VPS13B: variants seen among roughly 807,000 people sequenced by gnomAD.
VPS13B encodes vacuolar protein sorting 13 homolog B, also known as intermembrane lipid transfer protein VPS13B.
In VPS13B, 285 loss-of-function variants were observed where a neutral mutation model predicts 426.4. The ratio of observed to expected loss-of-function variants is 0.67; its 90% CI spans 0.61 to 0.74. VPS13B has a LOEUF of 0.74. Ranked by LOEUF, VPS13B falls within the 30% of genes least tolerant of loss-of-function variation. The pLI, the probability that VPS13B is intolerant of heterozygous loss-of-function variation, is 0.00. For synonymous variants in VPS13B, 1,676 were observed against 1,676.4 expected (o/e 1.00, Z 0.01); for missense variants, 4,537 against 4,782.6 (o/e 0.95, Z 1.51).
chr8:99,773,572 A>G (rs1256186641), intron 40 of VPS13B, among the ~76,000 whole-genome samples: 2 of 152,198 alleles, frequency 1.3e-5, no homozygotes, highest in Non-Finnish European at 2.9e-5. Flanking sequence ...AAATGAAGGT[A>G]TAAATAAAAC....
At chr8:99,615,838 A>G (rs549264676) in intron 33 of VPS13B, among the ~76,000 whole-genome samples, 3 of 152,180 alleles carry the variant, frequency 2.0e-5, no homozygotes, top group Non-Finnish European at 4.4e-5. Context: ...TATTATTATT[A>G]TAATGATTCA....
chr8:99,090,049 T>C (rs1846055574), intron 3 of VPS13B, among the ~76,000 whole-genome samples: 1 of 152,052 alleles, frequency 6.6e-6, no homozygotes, highest in Non-Finnish European at 1.5e-5. Flanking sequence ...ATGTCTGACC[T>C]CCCACTCCCA....
chr8:99,748,148 A>G (rs1810193399), intron 39 of VPS13B, among the ~76,000 whole-genome samples: 1 of 152,060 alleles, frequency 6.6e-6, no homozygotes, highest in Admixed American at 6.6e-5. Flanking sequence ...ATAATGTGTT[A>G]TGAATTTAAC....
chr8:99,540,554 T>C (rs1823562075), intron 30 of VPS13B, among the ~76,000 whole-genome samples: 2 of 152,188 alleles, frequency 1.3e-5, no homozygotes, highest in Admixed American at 1.3e-4. Flanking sequence ...TCAGCACATA[T>C]GCTAAGGTGT....
At chr8:99,703,677 T>C (rs1238364381) in intron 36 of VPS13B, among the ~76,000 whole-genome samples, 1 of 152,216 alleles carries the variant, frequency 6.6e-6, no homozygotes, top group Non-Finnish European at 1.5e-5. Context: ...GCAATCATTT[T>C]TGCCATTTGA....
intron 19 of VPS13B, chr8:99,341,780 C>T (rs1229304368): frequency 2.2e-5 from 8 of 367,300 alleles, no homozygotes; most frequent in African/African-American, 8.5e-5. Flanking sequence ...AACCCCCAGG[C>T]GTCCCACCAG....
intron 39 of VPS13B, among the ~76,000 whole-genome samples, chr8:99,727,254 A>T (rs917645109): frequency 6.6e-6 from 1 of 152,228 alleles, no homozygotes; most frequent in Non-Finnish European, 1.5e-5. Context: ...CCTCACTGAG[A>T]AATGTGGAAA....
At chr8:99,850,396 C>T (rs1031560894) in intron 55 of VPS13B, among the ~76,000 whole-genome samples, 10 of 148,594 alleles carry the variant, frequency 6.7e-5, no homozygotes, top group South Asian at 2.1e-4. Context: ...TACATAAGTA[C>T]GCATGTATGT....
intron 21 of VPS13B, among the ~76,000 whole-genome samples, chr8:99,429,852 C>G (rs752407734): frequency 6.6e-6 from 1 of 152,088 alleles, no homozygotes; most frequent in Non-Finnish European, 1.5e-5. Flanking sequence ...GTTATTCTGT[C>G]CCAGTTCCCT....
chr8:99,652,672 T>C (rs1829868581), intron 34 of VPS13B, among the ~76,000 whole-genome samples: 1 of 152,090 alleles, frequency 6.6e-6, no homozygotes, highest in Admixed American at 6.5e-5. Flanking sequence ...CTTGATTTCA[T>C]TTAGTTATTG....
At chr8:99,765,538 A>G (rs1366537631) in intron 39 of VPS13B, among the ~76,000 whole-genome samples, 1 of 152,186 alleles carries the variant, frequency 6.6e-6, no homozygotes, top group African/African-American at 2.4e-5. Context: ...GTCAGAAGCA[A>G]AGAAGTCTAT....
chr8:99,096,516 G>A, intron 4 of VPS13B, 84 bp downstream of exon 4: 1 of 1,580,820 alleles, frequency 6.3e-7, no homozygotes, highest in Non-Finnish European at 8.6e-7. Flanking sequence ...AGTGCTTTGG[G>A]GGGCTGAGGC....
chr8:99,751,661 A>G (rs1324948618), intron 39 of VPS13B, among the ~76,000 whole-genome samples: 1 of 152,232 alleles, frequency 6.6e-6, no homozygotes, highest in Admixed American at 6.5e-5. Flanking sequence ...ATTTTTAAAC[A>G]TACATTTCTA....
chr8:99,195,687 G>A (rs1241331381), intron 17 of VPS13B, among the ~76,000 whole-genome samples: 1 of 152,128 alleles, frequency 6.6e-6, no homozygotes, highest in African/African-American at 2.4e-5. Flanking sequence ...GTAGATTTAC[G>A]TTTCAGATCT....
chr8:99,263,333 C>T (rs1186941085), intron 17 of VPS13B, among the ~76,000 whole-genome samples: 1 of 152,126 alleles, frequency 6.6e-6, no homozygotes, highest in Non-Finnish European at 1.5e-5. Flanking sequence ...ATATTATCTG[C>T]ATAGTTACTA....
intron 33 of VPS13B, among the ~76,000 whole-genome samples, chr8:99,586,470 AT>A (rs1228890533): frequency 2.0e-5 from 3 of 152,304 alleles, no homozygotes; most frequent in Non-Finnish European, 4.4e-5. Flanking sequence ...TACCTGAGTC[AT>A]CCCGTCTTCC....
At chr8:99,159,707 C>T (rs568725080) in intron 15 of VPS13B, among the ~76,000 whole-genome samples, 4 of 152,152 alleles carry the variant, frequency 2.6e-5, no homozygotes, top group African/African-American at 4.8e-5. Flanking sequence ...TCACCCAGGC[C>T]GTAGTGCAGT....
At chr8:99,523,220 C>T (rs1186485423) in intron 30 of VPS13B, among the ~76,000 whole-genome samples, 1 of 152,164 alleles carries the variant, frequency 6.6e-6, no homozygotes, top group Non-Finnish European at 1.5e-5. Context: ...CAAGTAGATT[C>T]CTAAGGTTTC....
At chr8:99,719,772 T>G (rs1452040169) in intron 37 of VPS13B, among the ~76,000 whole-genome samples, 2 of 152,180 alleles carry the variant, frequency 1.3e-5, no homozygotes, top group Non-Finnish European at 2.9e-5. Flanking sequence ...AACTCTACTG[T>G]AGCTACTGTA....
Sources: allele counts gnomAD v4.1 joint callset (sites outside exome capture counted in the v4.1 genomes callset), GRCh38; gene constraint gnomAD v4.1.1; transcripts MANE v1.5; gene names NCBI Gene and HGNC (gene_info 2026-07-23, HGNC 2026-07-21).